SPIRE1: variants seen among roughly 807,000 people sequenced by gnomAD.
SPIRE1 encodes the protein spire type actin nucleation factor 1, also known as protein spire homolog 1.
Under a neutral mutation model 94.1 loss-of-function variants are expected in SPIRE1, and 40 were observed. That is an observed-to-expected ratio of 0.43 (90% CI 0.33 to 0.55). The LOEUF (loss-of-function observed/expected upper bound fraction) is 0.55. Ranked by LOEUF, SPIRE1 falls within the 20% of genes least tolerant of loss-of-function variation. The pLI is 0.06. For missense variants in SPIRE1, 838 were observed against 975.2 expected (o/e 0.86, Z 1.87); for synonymous variants, 376 against 371.7 (o/e 1.01, Z -0.13).
intron 3 of SPIRE1, among the ~76,000 whole-genome samples, chr18:12,546,020 C>T (rs1268790311): frequency 2.6e-5 from 4 of 152,076 alleles, no homozygotes; most frequent in Non-Finnish European, 5.9e-5. Context: ...GACGGAGTCT[C>T]GCTCTGTCAC....
chr18:12,607,656 T>C (rs565000572), intron 2 of SPIRE1, among the ~76,000 whole-genome samples: 1 of 151,518 alleles, frequency 6.6e-6, no homozygotes, highest in South Asian at 2.1e-4. Context: ...CTTGTTTTCT[T>C]ATTACAAAAG....
chr18:12,635,742 C>T (rs1039877760), intron 1 of SPIRE1, among the ~76,000 whole-genome samples: 3 of 152,178 alleles, frequency 2.0e-5, no homozygotes, highest in Non-Finnish European at 4.4e-5. Context: ...TAATACATTT[C>T]TGTCAATGTC....
chr18:12,588,285 A>C (rs2036441169), intron 2 of SPIRE1: 1 of 152,594 alleles, frequency 6.6e-6, no homozygotes, highest in South Asian at 2.1e-4. Context: ...ATTAGGTTAA[A>C]AAAACTGCAT....
At chr18:12,635,766 T>C (rs1466033523) in intron 1 of SPIRE1, among the ~76,000 whole-genome samples, 1 of 152,222 alleles carries the variant, frequency 6.6e-6, no homozygotes, top group African/African-American at 2.4e-5. Context: ...GACAAAAACA[T>C]ACTTCTTAAA....
intron 6 of SPIRE1, among the ~76,000 whole-genome samples, chr18:12,503,377 T>G (rs981047677): frequency 6.6e-6 from 1 of 152,204 alleles, no homozygotes; most frequent in African/African-American, 2.4e-5. Context: ...TGTGCCTCCA[T>G]TTCCCCTGAC....
chr18:12,639,401 G>T (rs186710436), intron 1 of SPIRE1, among the ~76,000 whole-genome samples: 276 of 152,294 alleles, frequency 1.8e-3, no homozygotes, highest in Non-Finnish European at 3.3e-3. Context: ...ATCCCTTGAT[G>T]CTATACTGGT....
intron 2 of SPIRE1, among the ~76,000 whole-genome samples, chr18:12,584,533 T>G (rs150461233): frequency 1.3e-5 from 2 of 152,270 alleles, no homozygotes; most frequent in African/African-American, 2.4e-5. Context: ...CCAAATAATA[T>G]AGTCTCAAAA....
intron 5 of SPIRE1, among the ~76,000 whole-genome samples, chr18:12,510,002 T>G (rs753822559): frequency 2.6e-4 from 40 of 151,894 alleles, no homozygotes; most frequent in Non-Finnish European, 1.5e-4. Flanking sequence ...GGAGAATTGC[T>G]TGAACCCAGG....
intron 4 of SPIRE1, among the ~76,000 whole-genome samples, chr18:12,528,550 G>C (rs182505671): frequency 2.0e-5 from 3 of 152,332 alleles, no homozygotes; most frequent in African/African-American, 7.2e-5. Flanking sequence ...GGCAACACCA[G>C]CACACATAGG....
chr18:12,533,774 G>A (rs1294322935), intron 4 of SPIRE1, among the ~76,000 whole-genome samples: 1 of 152,140 alleles, frequency 6.6e-6, no homozygotes, highest in Non-Finnish European at 1.5e-5. Flanking sequence ...GGCAATCTCA[G>A]TTTTAACAAG....
intron 2 of SPIRE1, among the ~76,000 whole-genome samples, chr18:12,595,651 T>C (rs2144609938): frequency 6.6e-6 from 1 of 152,362 alleles, no homozygotes; most frequent in African/African-American, 2.4e-5. Context: ...ATTGAGTACC[T>C]ATTTGTATCA....
intron 3 of SPIRE1, among the ~76,000 whole-genome samples, chr18:12,535,849 G>A (rs1418858737): frequency 6.6e-6 from 1 of 152,108 alleles, no homozygotes; most frequent in African/African-American, 2.4e-5. Flanking sequence ...CAGCTACTCA[G>A]GAAGCTGAGG....
chr18:12,514,365 C>T (rs2034131615), intron 4 of SPIRE1, among the ~76,000 whole-genome samples: 4 of 152,140 alleles, frequency 2.6e-5, no homozygotes, highest in Admixed American at 2.6e-4. Flanking sequence ...CATAGCTCTT[C>T]CTACCTTTTA....
intron 3 of SPIRE1, among the ~76,000 whole-genome samples, chr18:12,544,456 G>A (rs1225989172): frequency 6.6e-6 from 1 of 151,396 alleles, no homozygotes; most frequent in Non-Finnish European, 1.5e-5. Flanking sequence ...CACCTGCCTC[G>A]GCCTCCCAAA....
In SPIRE1 at chr18:12,489,793, T is replaced by C. The variant is rs114376495; in HGVS notation, c.1189+3279A>G. 5.2e-3 allele frequency among the ~76,000 whole-genome samples: 797 copies of C among 152,354 alleles called. 5 individuals carry two copies. The highest frequency in any genetic ancestry group is 0.018 in the African/African-American group (755 of 41,596). ...GATGCAGATAACAAAGTACTGTATA[T>C]ACACAGTTTTCATCCTCATTTTGTA... On this transcript the variant is annotated intron_variant, in intron 8 of 16. Coordinates refer to ENST00000409402, the MANE Select transcript of SPIRE1 (RefSeq NM_001128626.2).
At chr18:12,480,877 C>T (rs950323485) in intron 9 of SPIRE1, among the ~76,000 whole-genome samples, 28 of 152,082 alleles carry the variant, frequency 1.8e-4, no homozygotes, top group Non-Finnish European at 4.0e-4. Context: ...GAGCAGTTAC[C>T]GCATGATGTA....
rs545125729 is a variant in SPIRE1, at chr18:12,585,049, C to T, written c.373-38145G>A. ...TCGAACTCTTGACCTCGTGATCCGCCCACCTCGGCTTCCCAAAGTGCTGGG... is the reference window on the plus strand; with the variant it reads ...TCGAACTCTTGACCTCGTGATCCGCTCACCTCGGCTTCCCAAAGTGCTGGG... On this transcript the variant is annotated intron_variant, in intron 2 of 16. Coordinates refer to ENST00000409402, the MANE Select transcript of SPIRE1 (RefSeq NM_001128626.2). Among the ~76,000 whole-genome samples the T allele has an allele frequency of 3.3e-5, 5 of 152,250 alleles. No homozygotes were observed. The East Asian group carries it at 9.7e-4, about 29-fold the overall frequency.
chr18:12,615,813 T>A (rs946805840), intron 2 of SPIRE1, among the ~76,000 whole-genome samples: 4 of 151,832 alleles, frequency 2.6e-5, no homozygotes, highest in African/African-American at 9.7e-5. Flanking sequence ...CCTAAAATGT[T>A]AAAGGAATAA....
At chr18:12,475,122 C>T (rs9956523) in intron 10 of SPIRE1, among the ~76,000 whole-genome samples, 35 of 152,234 alleles carry the variant, frequency 2.3e-4, no homozygotes, top group African/African-American at 4.1e-4. Context: ...TGGGAAGGCA[C>T]GGGAGAAATA....
Sources: gnomAD v4.1 joint callset for allele counts (sites outside exome capture counted in the v4.1 genomes callset) on GRCh38, gnomAD v4.1.1 for gene constraint, MANE v1.5 for transcripts, NCBI Gene and HGNC (gene_info 2026-07-23, HGNC 2026-07-21) for gene names.